SV2B: variants seen among roughly 807,000 people sequenced by gnomAD.
SV2B encodes the protein synaptic vesicle glycoprotein 2B.
A neutral mutation model predicts 73.9 loss-of-function variants in SV2B; 41 were observed. The ratio of observed to expected loss-of-function variants is 0.56; its 90% CI spans 0.43 to 0.72. SV2B has a LOEUF of 0.72. Among genes scored for constraint, SV2B ranks in the 30% least tolerant of loss-of-function variants. The pLI is 0.00. For missense variants in SV2B, 764 were observed against 857.8 expected, an observed-to-expected ratio of 0.89 and a Z score of 1.37; for synonymous variants, 314 against 314.2, an observed-to-expected ratio of 1.00 and a Z score of 0.01.
At chr15:91,248,063 T>G (rs376759694) in intron 2 of SV2B, among the ~76,000 whole-genome samples, 8 of 152,226 alleles carry the variant, frequency 5.3e-5, no homozygotes, top group Non-Finnish European at 1.0e-4. Context: ...TTGTCACGCC[T>G]GTAATCCCAG....
intron 1 of SV2B, among the ~76,000 whole-genome samples, chr15:91,190,772 C>A (rs958305032): frequency 6.6e-6 from 1 of 152,076 alleles, no homozygotes; most frequent in Non-Finnish European, 1.5e-5. Flanking sequence ...TTTAGTTCTT[C>A]TGTAACATGA....
chr15:91,155,838 C>T (rs1017584085), intron 1 of SV2B, among the ~76,000 whole-genome samples: 5 of 151,910 alleles, frequency 3.3e-5, no homozygotes, highest in East Asian at 3.9e-4. Flanking sequence ...TGTTCCAGAC[C>T]GTTAAGGTAG....
At chr15:91,148,649 A>G (rs1373600341) in intron 1 of SV2B, among the ~76,000 whole-genome samples, 1 of 152,218 alleles carries the variant, frequency 6.6e-6, no homozygotes, top group Non-Finnish European at 1.5e-5. Context: ...TATATAAAAT[A>G]TACACATATA....
chr15:91,175,335 A>G lies in SV2B; in HGVS notation c.-391-50538A>G, dbSNP rs145002811. On this transcript the variant is annotated intron_variant, in intron 1 of 12. Coordinates refer to ENST00000394232, the MANE Select transcript of SV2B (RefSeq NM_001323032.3). ...AAGGGCACGATCTCGGCTTACTGCA[A>G]CCTCCGCCTCCTGGGTTCCAGTGAT... is the stretch of plus-strand genomic sequence containing the variant. 4.3e-3 allele frequency among the ~76,000 whole-genome samples: 653 copies of G among 151,998 alleles called. 9 individuals carry two copies. Among genetic ancestry groups the G allele is most frequent in the African/African-American group, 0.014 (588 of 41,464 alleles).
At chr15:91,266,788 C>A in intron 7 of SV2B, 96 bp downstream of exon 7, 5 of 1,007,598 alleles carry the variant, frequency 5.0e-6, no homozygotes, top group Admixed American at 2.6e-5. Context: ...TCCCCACCAA[C>A]CTGGGCCAGC....
At chr15:91,161,068 T>C (rs754602995) in intron 1 of SV2B, among the ~76,000 whole-genome samples, 28 of 152,156 alleles carry the variant, frequency 1.8e-4, no homozygotes, top group Non-Finnish European at 3.7e-4. Flanking sequence ...AAAAATGACA[T>C]ATTGTATGAT....
Position 91,295,008 on chromosome 15 carries a change from T to C in SV2B, c.*2456T>C, listed in dbSNP as rs1372658649. ...GCTGAGATAAATGCGTCTTTAAAAA[T>C]AGTCTCTGTGGCAGGTCACTGGGGG... On this transcript the variant is annotated 3_prime_UTR_variant, in exon 13 of 13. Transcript: ENST00000394232. 3 of 152,648 alleles carry C rather than the reference T, an allele frequency of 2.0e-5. No homozygotes were observed. The highest frequency in any genetic ancestry group is 2.9e-5 in the Non-Finnish European group (2 of 68,054). The allele number at this position is 152,648 out of a possible 1,614,324, so 9.5% of individuals were successfully genotyped here.
rs1171046101 is a variant in SV2B, at chr15:91,294,504, C to T, written c.*1952C>T. The T allele has an allele frequency of 7.5e-6, 1 of 132,926 alleles. No homozygotes were observed. The highest frequency in any genetic ancestry group is 1.5e-5 in the Non-Finnish European group (1 of 65,936). 8.2% of individuals were successfully genotyped at this position (132,926 alleles called of 1,614,324 possible). A position where few individuals can be genotyped will look rare whatever the true frequency, so the allele number is the denominator to read the frequency against. ...TTTCTCTCAGTGTTTTATAGGAGTA[C>T]TAACATTTATTGCTCTGTCAATAAT... On this transcript the variant is annotated 3_prime_UTR_variant, in exon 13 of 13. Coordinates refer to ENST00000394232, the MANE Select transcript of SV2B (RefSeq NM_001323032.3). This position sits in a 1 kb window ranked among gnomAD's most constrained non-coding sequence, Gnocchi z 4.1.
chr15:91,263,013 T>C (rs1338656832), intron 6 of SV2B, among the ~76,000 whole-genome samples: 1 of 152,188 alleles, frequency 6.6e-6, no homozygotes, highest in Admixed American at 6.5e-5. Context: ...AGTCTCTGAC[T>C]CCACATTGGC....
rs769306550 is a variant in SV2B at position 91,283,717 on chromosome 15, G to C, written c.1508-304G>C. ...GATCCTCCTACCTCGGCCTCCTCAA[G>C]TGCTGGGATTACAGATGTGGGCCAC... On this transcript the variant is annotated intron_variant, in intron 10 of 12. Transcript: ENST00000394232. The surrounding 1 kb of genome is among the most constrained non-coding windows in gnomAD (Gnocchi z 4.3). Among the ~76,000 whole-genome samples, 1 of 152,182 alleles carries C rather than the reference G, an allele frequency of 6.6e-6. No homozygotes were observed. The highest frequency in any genetic ancestry group is 1.5e-5 in the Non-Finnish European group (1 of 68,010).
At chr15:91,218,874 T>C (rs2046122748) in intron 1 of SV2B, among the ~76,000 whole-genome samples, 1 of 152,210 alleles carries the variant, frequency 6.6e-6, no homozygotes, top group Admixed American at 6.5e-5. Context: ...GTATCTGGTA[T>C]CTTGGCTAAG....
rs976393649 is a variant in SV2B at position 91,234,552 on chromosome 15, A to G, written c.451+7838A>G. 6.6e-6 allele frequency among the ~76,000 whole-genome samples: 1 copy of G among 152,188 alleles called. No individual in the cohort carries two copies. The highest frequency in any genetic ancestry group is 1.5e-5 in the Non-Finnish European group (1 of 68,018). On this transcript the variant is annotated intron_variant, in intron 2 of 12. Coordinates refer to ENST00000394232, the MANE Select transcript of SV2B (RefSeq NM_001323032.3). This position sits in a 1 kb window ranked among gnomAD's most constrained non-coding sequence, Gnocchi z 5.6. ...CTGGCTAGTTCATTGTGGCATTTTT[A>G]GAAATGAAATAAATAGGAGGTCTAC...
chr15:91,238,082 A>C (rs1353157914), intron 2 of SV2B, among the ~76,000 whole-genome samples: 1 of 152,164 alleles, frequency 6.6e-6, no homozygotes, highest in Non-Finnish European at 1.5e-5. Flanking sequence ...ATGAAGTTGA[A>C]AGGTTTATTT....
At position 91,232,375 on chromosome 15, in the gene SV2B, C is replaced by T. The variant is rs1010290160; in HGVS notation, c.451+5661C>T. Among the ~76,000 whole-genome samples the T allele has an allele frequency of 1.3e-5, 2 of 152,156 alleles. No homozygotes were observed. Among genetic ancestry groups the T allele is most frequent in the Non-Finnish European group, 2.9e-5 (2 of 68,016 alleles). ...AAACCATCAGAAGAAATAGAATAGA[C>T]TTAAAATGAAGGGCTCCCTTAGCAG... On this transcript the variant is annotated intron_variant, in intron 2 of 12. Coordinates refer to ENST00000394232, the MANE Select transcript of SV2B (RefSeq NM_001323032.3). The surrounding 1 kb of genome is among the most constrained non-coding windows in gnomAD (Gnocchi z 4.7).
In SV2B at chr15:91,288,360, C is replaced by T. The variant is rs2048931010; in HGVS notation, c.1709-1161C>T. Among the ~76,000 whole-genome samples the T allele has an allele frequency of 6.6e-6, 1 of 152,058 alleles. No individual in the cohort carries two copies. Among genetic ancestry groups the T allele is most frequent in the Non-Finnish European group, 1.5e-5 (1 of 68,024 alleles). ...TACGATGTGGAATGATTAAGTCAAGCTAATTAACATATCCATCACCACACA... is the reference window on the plus strand; with the variant it reads ...TACGATGTGGAATGATTAAGTCAAGTTAATTAACATATCCATCACCACACA... On this transcript the variant is annotated intron_variant, in intron 11 of 12. Transcript: ENST00000394232. The surrounding 1 kb of genome is among the most constrained non-coding windows in gnomAD (Gnocchi z 5.8).
chr15:91,153,493 A>C (rs2043380216), intron 1 of SV2B, among the ~76,000 whole-genome samples: 2 of 152,072 alleles, frequency 1.3e-5, no homozygotes, highest in Admixed American at 1.3e-4. Flanking sequence ...CCCATCCCTC[A>C]TGGGGATAGT....
At chr15:91,127,248 C>CTTCA (rs2042511120) in intron 1 of SV2B, among the ~76,000 whole-genome samples, 1 of 152,166 alleles carries the variant, frequency 6.6e-6, no homozygotes, top group Non-Finnish European at 1.5e-5. Context: ...GGATGCTTAG[C>CTTCA]TTCATCTCAG....
At chr15:91,187,432 T>C (rs1567326528) in intron 1 of SV2B, among the ~76,000 whole-genome samples, 1 of 152,218 alleles carries the variant, frequency 6.6e-6, no homozygotes. Context: ...CATGTGAAAG[T>C]AGCAGGTAAA....
chr15:91,223,538 T>C lies in SV2B; in HGVS notation c.-391-2335T>C, dbSNP rs1416181095. On this transcript the variant is annotated intron_variant, in intron 1 of 12. Transcript: ENST00000394232. This position sits in a 1 kb window ranked among gnomAD's most constrained non-coding sequence, Gnocchi z 4.6. ...ACAAGTGCTTTTGGAATTGCAAGTC[T>C]ATCATTTCTGGTTCACGACGTTGTT... Among the ~76,000 whole-genome samples, 3 of 152,174 alleles carry C rather than the reference T, an allele frequency of 2.0e-5. No homozygotes were observed. The highest frequency in any genetic ancestry group is 7.2e-5 in the African/African-American group (3 of 41,436).
Sources: allele counts gnomAD v4.1 joint callset (sites outside exome capture counted in the v4.1 genomes callset), GRCh38; gene constraint gnomAD v4.1.1; non-coding constraint Gnocchi (gnomAD v3.1); transcripts MANE v1.5; gene names NCBI Gene and HGNC (gene_info 2026-07-23, HGNC 2026-07-21).